ANO5: variants seen among roughly 807,000 people sequenced by gnomAD.
ANO5 encodes the protein anoctamin 5.
In ANO5, 109 loss-of-function variants were observed where a neutral mutation model predicts 121.0. That is an observed-to-expected ratio of 0.90 (90% CI 0.77 to 1.06). The LOEUF (loss-of-function observed/expected upper bound fraction) is 1.06, where lower values mean the gene tolerates loss of function less well. ANO5 is among the 50% of genes least tolerant of loss of function. ANO5 has a pLI of 0.00. For synonymous variants in ANO5, 406 were observed against 359.9 expected (o/e 1.13, Z -1.45); for missense variants, 1,064 against 1,078.5 (o/e 0.99, Z 0.19).
At position 22,274,966 on chromosome 11, in the gene ANO5, G is replaced by A. The variant is rs145690491; in HGVS notation, c.2414+219G>A. On this transcript the variant is annotated intron_variant, in intron 20 of 21. Transcript: ENST00000324559. ...TAAGATTATGGGTAAAGGTAAAATG[G>A]CAAAAACTAAGATTATGGGTAAAGA... is the stretch of plus-strand genomic sequence containing the variant. 8.8e-3 allele frequency among the ~76,000 whole-genome samples: 1,345 copies of A among 151,988 alleles called. 15 individuals are homozygous for A. The highest frequency in any genetic ancestry group is 0.014 in the Non-Finnish European group (925 of 67,876).
intron 9 of ANO5, among the ~76,000 whole-genome samples, chr11:22,246,197 C>T (rs1328768344): frequency 6.6e-6 from 1 of 152,200 alleles, no homozygotes; most frequent in African/African-American, 2.4e-5. Context: ...TCCAGTCTCA[C>T]TCTTTTCAGA....
intron 9 of ANO5, among the ~76,000 whole-genome samples, chr11:22,241,968 G>T (rs114862973): frequency 6.6e-6 from 1 of 151,912 alleles, no homozygotes; most frequent in Non-Finnish European, 1.5e-5. Context: ...TACCCAGGCC[G>T]ATGTAGAGAA....
chr11:22,246,963 A>T (rs1853646939), intron 9 of ANO5, among the ~76,000 whole-genome samples: 1 of 152,060 alleles, frequency 6.6e-6, no homozygotes, highest in Non-Finnish European at 1.5e-5. Flanking sequence ...GCATCACTAC[A>T]TATCAAGCAA....
Position 22,260,518 on chromosome 11 carries a change from T to C in ANO5, c.1630+777T>C, listed in dbSNP as rs12574432. Among the ~76,000 whole-genome samples, 2,043 of 152,324 alleles carry C rather than the reference T, an allele frequency of 0.013. 146 individuals carry two copies. In the East Asian group the frequency reaches 0.21, roughly 16 times the overall value. Reference sequence around the variant, plus strand: ...CTGAGATGAGACTTTCATTATATACTATCTTCAAATTTGGAGTTCTCTCCC... The same window carrying C: ...CTGAGATGAGACTTTCATTATATACCATCTTCAAATTTGGAGTTCTCTCCC... On this transcript the variant is annotated intron_variant, in intron 15 of 21. Transcript: ENST00000324559.
At chr11:22,276,605 C>T (rs1449793067) in intron 21 of ANO5, among the ~76,000 whole-genome samples, 2 of 151,732 alleles carry the variant, frequency 1.3e-5, no homozygotes, top group Non-Finnish European at 3.0e-5. Flanking sequence ...AAGTAGCTGG[C>T]TTAACGTTAA....
chr11:22,267,725 C>G (rs571291233), intron 17 of ANO5, among the ~76,000 whole-genome samples: 1 of 152,118 alleles, frequency 6.6e-6, no homozygotes, highest in Admixed American at 6.5e-5. Flanking sequence ...GGTATTAAAT[C>G]TAATACCCAG....
intron 7 of ANO5, among the ~76,000 whole-genome samples, chr11:22,230,098 A>T (rs186068986): frequency 3.3e-5 from 5 of 152,090 alleles, no homozygotes; most frequent in Admixed American, 3.3e-4. Context: ...TGTGTATATG[A>T]TGAATATATA....
intron 18 of ANO5, among the ~76,000 whole-genome samples, chr11:22,272,497 A>T (rs1044174677): frequency 2.6e-5 from 4 of 152,178 alleles, no homozygotes; most frequent in Admixed American, 2.6e-4. Context: ...TTAGCCCATA[A>T]TAAAAGGCAA....
intron 7 of ANO5, 45 bp from the exon 8 acceptor site, chr11:22,236,118 T>C (rs1243920254): frequency 2.4e-6 from 3 of 1,265,694 alleles, no homozygotes; most frequent in Non-Finnish European, 3.5e-6. Context: ...GTGGAAAGCA[T>C]AAAGTTCTGA....
intron 1 of ANO5, among the ~76,000 whole-genome samples, chr11:22,194,315 T>A (rs1198355578): frequency 8.5e-5 from 13 of 152,230 alleles, no homozygotes; most frequent in Admixed American, 8.5e-4. Flanking sequence ...ATGTCTTGTT[T>A]AGTGTTGGAT....
At chr11:22,263,533 G>A (rs1473144951) in intron 17 of ANO5, among the ~76,000 whole-genome samples, 1 of 152,058 alleles carries the variant, frequency 6.6e-6, no homozygotes. Context: ...GAGACTTTCA[G>A]GTCAATACAT....
chr11:22,192,557 T>C, upstream of ANO5, among the ~76,000 whole-genome samples: 1 of 151,888 alleles, frequency 6.6e-6, no homozygotes, highest in East Asian at 1.9e-4. Flanking sequence ...AAGGGAGGGG[T>C]TCCTTTAAGG....
chr11:22,249,482 G>C (rs1037936540), intron 9 of ANO5, among the ~76,000 whole-genome samples: 86 of 152,140 alleles, frequency 5.7e-4, no homozygotes, highest in African/African-American at 1.9e-3. Flanking sequence ...AGATTAATCA[G>C]GTTAAACAAC....
At chr11:22,243,825 G>T (rs1853516980) in intron 9 of ANO5, among the ~76,000 whole-genome samples, 1 of 152,132 alleles carries the variant, frequency 6.6e-6, no homozygotes, top group South Asian at 2.1e-4. Context: ...AATATAGCTA[G>T]GGTGGTCTGT....
At chr11:22,245,671 AC>A (rs1853591610) in intron 9 of ANO5, among the ~76,000 whole-genome samples, 1 of 152,060 alleles carries the variant, frequency 6.6e-6, no homozygotes, top group South Asian at 2.1e-4. Context: ...GACGTGGCCT[AC>A]CTATTTCAAT....
chr11:22,227,255 A>C, intron 6 of ANO5, 47 bp from the exon 7 acceptor site: 1 of 1,603,814 alleles, frequency 6.2e-7, no homozygotes, highest in South Asian at 1.1e-5. Context: ...GCTCAATAAC[A>C]AACTGATCAG....
At chr11:22,267,760 C>T (rs2133767096) in intron 17 of ANO5, among the ~76,000 whole-genome samples, 1 of 152,218 alleles carries the variant, frequency 6.6e-6, no homozygotes, top group South Asian at 2.1e-4. Context: ...GATCCTCTCC[C>T]TCTTCTGACA....
intron 21 of ANO5, among the ~76,000 whole-genome samples, chr11:22,279,001 T>C (rs938908650): frequency 5.3e-5 from 8 of 151,770 alleles, no homozygotes; most frequent in African/African-American, 1.9e-4. Context: ...GGGTATAGCA[T>C]GGAGTGAAAG....
At chr11:22,279,498 G>A (rs1399377932) in intron 21 of ANO5, 46 bp from the exon 22 acceptor site, 2 of 1,497,918 alleles carry the variant, frequency 1.3e-6, no homozygotes, top group Admixed American at 1.7e-5. Context: ...TGCTGAGCAT[G>A]TGACACCTCT....
Sources: allele counts gnomAD v4.1 joint callset (sites outside exome capture counted in the v4.1 genomes callset), GRCh38; gene constraint gnomAD v4.1.1; transcripts MANE v1.5; gene names NCBI Gene and HGNC (gene_info 2026-07-23, HGNC 2026-07-21).